The following OSBP2 variants were observed in gnomAD, a reference collection of about 807,000 sequenced individuals.
OSBP2 encodes the protein oxysterol-binding protein 2.
In OSBP2, 66 loss-of-function variants were observed where a neutral mutation model predicts 96.0. That is an observed-to-expected ratio of 0.69 (90% CI 0.56 to 0.84). OSBP2 has a LOEUF of 0.84. OSBP2 is among the 40% of genes least tolerant of loss of function. The pLI is 0.00. For missense variants in OSBP2, 1,038 were observed against 1,222.7 expected, an observed-to-expected ratio of 0.85 and a Z score of 2.25; for synonymous variants, 525 against 520.9, an observed-to-expected ratio of 1.01 and a Z score of -0.11.
chr22:30,768,824 C>T (rs139809636), intron 2 of OSBP2, among the ~76,000 whole-genome samples: 1 of 152,278 alleles, frequency 6.6e-6, no homozygotes, highest in East Asian at 1.9e-4. Flanking sequence ...TTGTAATTAT[C>T]AGATTGGAGT....
At position 30,866,264 on chromosome 22, in the gene OSBP2, G is replaced by C. The variant is rs531464686; in HGVS notation, c.854-4165G>C. 5.3e-5 allele frequency among the ~76,000 whole-genome samples: 8 copies of C among 152,348 alleles called. 1 individual carries two copies. In the South Asian group the frequency reaches 1.7e-3, roughly 32 times the overall value. ...CACAATCACTGGATCAGAGAGAGTA[G>C]AAGATGCCTCTTTGCTGGCTTTGAA... is the stretch of plus-strand genomic sequence containing the variant. On this transcript the variant is annotated intron_variant, in intron 2 of 13. Coordinates refer to ENST00000332585, the MANE Select transcript of OSBP2 (RefSeq NM_030758.4).
At chr22:30,696,474 T>C (rs950031413) in intron 1 of OSBP2, among the ~76,000 whole-genome samples, 3 of 152,050 alleles carry the variant, frequency 2.0e-5, no homozygotes, top group African/African-American at 7.2e-5. Context: ...GAGATTCGGA[T>C]TTTCTAATAA....
intron 1 of OSBP2, among the ~76,000 whole-genome samples, chr22:30,696,514 C>T (rs1000092600): frequency 6.6e-6 from 1 of 152,166 alleles, no homozygotes; most frequent in Non-Finnish European, 1.5e-5. Context: ...GATGCTGGTC[C>T]AGGACCACAC....
At chr22:30,735,412 T>C (rs1416064269) in intron 1 of OSBP2, among the ~76,000 whole-genome samples, 33 of 124,450 alleles carry the variant, frequency 2.7e-4, no homozygotes, top group East Asian at 6.1e-4. Flanking sequence ...TTCTCTCTCT[T>C]TTTTTTTTTT....
intron 2 of OSBP2, among the ~76,000 whole-genome samples, chr22:30,778,170 C>CTTTTTTTTT (rs71202014): frequency 1.5e-5 from 1 of 67,018 alleles, no homozygotes; most frequent in Non-Finnish European, 2.9e-5. Context: ...AATTTTTGCC[C>CTTTTTTTTT]TTTTTTTTTT....
intron 8 of OSBP2, among the ~76,000 whole-genome samples, 198 bp from the exon 9 acceptor site, chr22:30,892,924 G>A (rs945201412): frequency 4.6e-5 from 7 of 152,178 alleles, no homozygotes; most frequent in Non-Finnish European, 8.8e-5. Flanking sequence ...GACAGCACCC[G>A]GATGCTTTTC....
chr22:30,882,576 G>A (rs997054936), intron 3 of OSBP2, among the ~76,000 whole-genome samples: 4 of 151,878 alleles, frequency 2.6e-5, no homozygotes, highest in East Asian at 1.9e-4. Flanking sequence ...CAGTGGGCCC[G>A]CGGTGTGAGG....
chr22:30,893,100 C>T, intron 8 of OSBP2, 22 bp from the exon 9 acceptor site: 1 of 1,612,366 alleles, frequency 6.2e-7, no homozygotes. Flanking sequence ...CAGATGCTCA[C>T]ATCCTATGGG....
chr22:30,870,283 C>T lies in OSBP2; in HGVS notation c.854-146C>T, dbSNP rs373978394. 5.1e-5 allele frequency: 44 copies of T among 867,994 alleles called. No homozygotes were observed. The highest frequency in any genetic ancestry group is 4.9e-4 in the African/African-American group (29 of 59,368). The allele number at this position is 867,994 out of a possible 1,614,324, so 53.8% of individuals were successfully genotyped here. ...CCAGGATGGGGCAGGCACCTCACCC[C>T]GGCCAGGAACAGGAACGGGCACCAT... On this transcript the variant is annotated intron_variant, in intron 2 of 13. Transcript: ENST00000332585. The surrounding 1 kb of genome is among the most constrained non-coding windows in gnomAD (Gnocchi z 4.1).
At chr22:30,879,203 C>T (rs2039648849) in intron 3 of OSBP2, among the ~76,000 whole-genome samples, 1 of 152,212 alleles carries the variant, frequency 6.6e-6, no homozygotes, top group East Asian at 1.9e-4. Flanking sequence ...TCCCTTGTCC[C>T]TCCGGGGCCT....
intron 12 of OSBP2, 145 bp from the exon 13 acceptor site, chr22:30,905,692 C>A: frequency 7.9e-7 from 1 of 1,269,732 alleles, no homozygotes; most frequent in Non-Finnish European, 1.1e-6. Context: ...CTGGGGTGGG[C>A]CCAAGGCCAG....
intron 2 of OSBP2, among the ~76,000 whole-genome samples, chr22:30,861,475 G>A (rs1282324182): frequency 6.6e-6 from 1 of 152,230 alleles, no homozygotes; most frequent in Admixed American, 6.5e-5. Flanking sequence ...GGCCTACGGA[G>A]AGGCCCCGAG....
At chr22:30,820,843 T>A (rs1056605923) in intron 2 of OSBP2, among the ~76,000 whole-genome samples, 1 of 152,104 alleles carries the variant, frequency 6.6e-6, no homozygotes, top group African/African-American at 2.4e-5. Flanking sequence ...TGAATCTAAC[T>A]CAATTGTTAA....
At chr22:30,700,964 G>A (rs1053274301) in intron 1 of OSBP2, among the ~76,000 whole-genome samples, 9 of 151,962 alleles carry the variant, frequency 5.9e-5, no homozygotes, top group African/African-American at 9.6e-5. Flanking sequence ...GCGTGGTGAC[G>A]CATGCCTATA....
intron 1 of OSBP2, among the ~76,000 whole-genome samples, chr22:30,719,792 G>A (rs1344962462): frequency 6.6e-6 from 1 of 150,634 alleles, no homozygotes; most frequent in South Asian, 2.1e-4. Context: ...CTGAGCCAGA[G>A]CCAGGATAGC....
At chr22:30,857,019 CCTGA>C (rs765505579) in intron 2 of OSBP2, among the ~76,000 whole-genome samples, 8 of 152,210 alleles carry the variant, frequency 5.3e-5, no homozygotes, top group Non-Finnish European at 8.8e-5. Flanking sequence ...CAACTTCCTT[CCTGA>C]ATGTGGACCT....
chr22:30,775,065 C>T (rs537307828), intron 2 of OSBP2, among the ~76,000 whole-genome samples: 2 of 152,240 alleles, frequency 1.3e-5, no homozygotes, highest in Middle Eastern at 3.4e-3. Context: ...GTGATAAATA[C>T]ATACGACATT....
intron 2 of OSBP2, among the ~76,000 whole-genome samples, chr22:30,759,299 G>A (rs1018359487): frequency 6.6e-6 from 1 of 152,176 alleles, no homozygotes; most frequent in Non-Finnish European, 1.5e-5. Flanking sequence ...AGTGAGCCGA[G>A]ATTGCACCAC....
chr22:30,898,834 G>A (rs2040123596), intron 12 of OSBP2, among the ~76,000 whole-genome samples: 1 of 149,494 alleles, frequency 6.7e-6, no homozygotes, highest in Admixed American at 6.7e-5. Flanking sequence ...GACCAGCCTG[G>A]GCAATATGGC....
Sources: allele counts gnomAD v4.1 joint callset (sites outside exome capture counted in the v4.1 genomes callset), GRCh38; gene constraint gnomAD v4.1.1; non-coding constraint Gnocchi (gnomAD v3.1); transcripts MANE v1.5; gene names NCBI Gene and HGNC (gene_info 2026-07-23, HGNC 2026-07-21).